The following DNAH9 variants were observed in gnomAD, a reference collection of about 807,000 sequenced individuals.
DNAH9 encodes the protein dynein axonemal heavy chain 9, also known as DNAH9 variant protein.
A neutral mutation model predicts 471.6 loss-of-function variants in DNAH9; 345 were observed. The observed-to-expected ratio is 0.73, with a 90% confidence interval of 0.67 to 0.80. The LOEUF is 0.80. Among genes scored for constraint, DNAH9 ranks in the 30% least tolerant of loss-of-function variants. DNAH9 has a pLI of 0.00. For synonymous variants in DNAH9, 2,093 were observed against 2,123.6 expected (o/e 0.99, Z 0.40); for missense variants, 5,407 against 5,609.2 (o/e 0.96, Z 1.15).
chr17:11,866,339 T>G (rs12449704), intron 50 of DNAH9, among the ~76,000 whole-genome samples: 151,872 of 152,178 alleles, frequency 1, 75,784 homozygotes, highest in Middle Eastern at 1. Context: ...GTGGTTTTTC[T>G]TGAACCGCGA....
chr17:11,599,675 A>T (rs1487207172), intron 1 of DNAH9, among the ~76,000 whole-genome samples: 1 of 152,100 alleles, frequency 6.6e-6, no homozygotes, highest in Non-Finnish European at 1.5e-5. Context: ...TGCTCCAGAG[A>T]GATTCCTGGG....
Position 11,742,196 on chromosome 17 carries a change from A to G in DNAH9, c.5994A>G (p.Pro1998=). Reference sequence around the variant, plus strand: ...TCAGGCCTTGTGCAATGGTGGTTCCAGACTTTGAATTGATCTGTGAAATCA... The same window carrying G: ...TCAGGCCTTGTGCAATGGTGGTTCCGGACTTTGAATTGATCTGTGAAATCA... ...SLFRPCAMVV[P]DFELICEIML... is the part of the protein sequence containing the mutation. Residue 1998 remains proline (P), a synonymous_variant, in exon 30 of 69, where the codon CCA becomes CCG. Coordinates refer to ENST00000262442, the MANE Select transcript of DNAH9 (RefSeq NM_001372.4). 2 of 1,614,118 alleles carry G rather than the reference A, an allele frequency of 1.2e-6. No individual in the cohort carries two copies. Among genetic ancestry groups the G allele is most frequent in the Non-Finnish European group, 8.5e-7 (1 of 1,179,990 alleles).
chr17:11,843,489 T>C (rs1343069510), intron 49 of DNAH9, among the ~76,000 whole-genome samples: 1 of 152,026 alleles, frequency 6.6e-6, no homozygotes. Flanking sequence ...CTTTGTGTAC[T>C]AGGAGATTCA....
chr17:11,600,970 T>TC (rs1183286186), intron 1 of DNAH9, among the ~76,000 whole-genome samples: 1 of 152,116 alleles, frequency 6.6e-6, no homozygotes, highest in East Asian at 1.9e-4. Context: ...CACACATCGC[T>TC]CCCCTGAGCT....
chr17:11,943,309 A>G (rs543592417), intron 67 of DNAH9, among the ~76,000 whole-genome samples: 17 of 152,310 alleles, frequency 1.1e-4, no homozygotes, highest in African/African-American at 4.1e-4. Flanking sequence ...TTAAACACCT[A>G]GGGTCACACG....
At position 11,704,242 on chromosome 17, in the gene DNAH9, G is replaced by A. The variant is rs766415359; in HGVS notation, c.5191G>A (p.Val1731Met). The A allele has an allele frequency of 4.3e-6, 7 of 1,614,154 alleles. No individual in the cohort carries two copies. Among genetic ancestry groups the A allele is most frequent in the Non-Finnish European group, 4.2e-6 (5 of 1,179,982 alleles). Reference protein sequence around the residue: ...TCTQIWWTTEVGMAFARLEEG... With the variant: ...TCTQIWWTTEMGMAFARLEEG... ...TACTCAGATCTGGTGGACAACAGAA[G>A]TGGGCATGGCATTTGCCAGGCTGGA... The change falls in exon 25 of 69, where the codon GTG (valine) becomes ATG (methionine). Residue 1731 changes from valine to methionine, a missense_variant. Physicochemically the swap from Val to Met is conservative, Grantham distance 21. Transcript: ENST00000262442.
intron 61 of DNAH9, among the ~76,000 whole-genome samples, chr17:11,909,385 C>A (rs537149555): frequency 2.0e-5 from 3 of 152,282 alleles, no homozygotes; most frequent in East Asian, 3.9e-4. Context: ...GGGCCAGGTA[C>A]CAGACTAGTA....
intron 59 of DNAH9, among the ~76,000 whole-genome samples, chr17:11,898,651 T>C (rs1301328177): frequency 6.6e-6 from 1 of 152,214 alleles, no homozygotes; most frequent in Non-Finnish European, 1.5e-5. Context: ...TCGATATGGA[T>C]TGTACTGCAT....
At chr17:11,722,072 G>A (rs2075069239) in intron 27 of DNAH9, among the ~76,000 whole-genome samples, 1 of 152,138 alleles carries the variant, frequency 6.6e-6, no homozygotes, top group Non-Finnish European at 1.5e-5. Context: ...CTCCTCACAG[G>A]ACCCGGCTGG....
rs1454779430 is a variant in DNAH9 at position 11,932,549 on chromosome 17, G to A, written c.12297+344G>A. On this transcript the variant is annotated intron_variant, in intron 64 of 68. Coordinates refer to ENST00000262442, the MANE Select transcript of DNAH9 (RefSeq NM_001372.4). The surrounding 1 kb of genome is among the most constrained non-coding windows in gnomAD (Gnocchi z 4.3). ...ACTTACTGAATCAGCGCATTTTAAC[G>A]AGATTCTCTGGTAATTCGTATGCAC... Among the ~76,000 whole-genome samples the A allele has an allele frequency of 2.0e-5, 3 of 152,180 alleles. No homozygotes were observed. The highest frequency in any genetic ancestry group is 2.9e-5 in the Non-Finnish European group (2 of 68,040).
intron 48 of DNAH9, among the ~76,000 whole-genome samples, chr17:11,833,939 C>T (rs865785584): frequency 6.6e-6 from 1 of 152,034 alleles, no homozygotes; most frequent in African/African-American, 2.4e-5. Flanking sequence ...TATTAAGGGC[C>T]TACTATATGA....
chr17:11,665,935 G>T (rs923140646), intron 15 of DNAH9, among the ~76,000 whole-genome samples: 1 of 152,206 alleles, frequency 6.6e-6, no homozygotes, highest in African/African-American at 2.4e-5. Flanking sequence ...GCCCAGCACT[G>T]AGTGTAGCCC....
At chr17:11,811,278 A>T (rs1202153195) in intron 45 of DNAH9, among the ~76,000 whole-genome samples, 1 of 151,762 alleles carries the variant, frequency 6.6e-6, no homozygotes, top group East Asian at 1.9e-4. Flanking sequence ...ATGCCACCGC[A>T]CTCCAGCCTG....
At chr17:11,948,557 G>C (rs1349511334) in intron 67 of DNAH9, among the ~76,000 whole-genome samples, 1 of 152,156 alleles carries the variant, frequency 6.6e-6, no homozygotes, top group East Asian at 1.9e-4. Context: ...CTGATGCACT[G>C]TGTGTTGACT....
At chr17:11,719,311 C>G in intron 26 of DNAH9, 23 bp from the exon 27 acceptor site, 7 of 1,611,856 alleles carry the variant, frequency 4.3e-6, no homozygotes, top group Non-Finnish European at 5.9e-6. Flanking sequence ...GAATGATGAC[C>G]TATGCCCTCC....
chr17:11,809,735 G>A (rs940610336), intron 44 of DNAH9, among the ~76,000 whole-genome samples: 7 of 152,010 alleles, frequency 4.6e-5, no homozygotes, highest in East Asian at 1.9e-4. Context: ...TAAGTAAGAC[G>A]TAAGACATAC....
At chr17:11,618,383 C>G (rs371575997) in intron 5 of DNAH9, among the ~76,000 whole-genome samples, 34 of 151,928 alleles carry the variant, frequency 2.2e-4, no homozygotes, top group Admixed American at 1.1e-3. Flanking sequence ...GTCAAGAGAT[C>G]GAGACCATCC....
intron 4 of DNAH9, among the ~76,000 whole-genome samples, chr17:11,615,230 T>A (rs1406254809): frequency 6.6e-6 from 1 of 152,242 alleles, no homozygotes; most frequent in Non-Finnish European, 1.5e-5. Context: ...TGTTAAAGAC[T>A]TTCCTGCAAA....
At chr17:11,833,602 T>C (rs1390499279) in intron 48 of DNAH9, among the ~76,000 whole-genome samples, 1 of 152,104 alleles carries the variant, frequency 6.6e-6, no homozygotes, top group East Asian at 1.9e-4. Context: ...AATTGTTTAT[T>C]GTTAATCAAG....
Sources: gnomAD v4.1 joint callset for allele counts (sites outside exome capture counted in the v4.1 genomes callset) on GRCh38, gnomAD v4.1.1 for gene constraint, Gnocchi (gnomAD v3.1) non-coding constraint, MANE v1.5 for transcripts, NCBI Gene and HGNC (gene_info 2026-07-23, HGNC 2026-07-21) for gene names.